DPP10: variants seen among roughly 807,000 people sequenced by gnomAD.
DPP10 encodes the protein inactive dipeptidyl peptidase 10.
A neutral mutation model predicts 120.9 loss-of-function variants in DPP10; 33 were observed. That is an observed-to-expected ratio of 0.27 (90% CI 0.21 to 0.37). DPP10 has a LOEUF of 0.37. DPP10 is among the 10% of genes least tolerant of loss of function. DPP10 has a pLI of 1.00. For missense variants in DPP10, 816 were observed against 942.8 expected, an observed-to-expected ratio of 0.87 and a Z score of 1.76; for synonymous variants, 337 against 326.1, an observed-to-expected ratio of 1.03 and a Z score of -0.36.
chr2:114,595,042 G>A (rs1055935456), intron 1 of DPP10, among the ~76,000 whole-genome samples: 6 of 152,044 alleles, frequency 3.9e-5, no homozygotes, highest in Middle Eastern at 3.4e-3. Flanking sequence ...TGGCCTCTCT[G>A]GGCTTTTGTA....
chr2:114,761,768 T>G (rs1680302858), intron 1 of DPP10, among the ~76,000 whole-genome samples: 1 of 152,152 alleles, frequency 6.6e-6, no homozygotes, highest in African/African-American at 2.4e-5. Flanking sequence ...CTGCAGACAC[T>G]TCCCACCATA....
Position 115,403,381 on chromosome 2 carries a change from CTTTTTTT to C in DPP10, c.271+59499_271+59505del, listed in dbSNP as rs78116780. Among the ~76,000 whole-genome samples the C allele has an allele frequency of 4.4e-3, 516 of 118,224 alleles. 12 individuals carry two copies. Among genetic ancestry groups the C allele is most frequent in the African/African-American group, 0.017 (482 of 27,984 alleles). The allele number at this position is 118,224 out of a possible 152,430, so 77.6% of individuals were successfully genotyped here. On this transcript the variant is annotated intron_variant, in intron 3 of 25. Coordinates refer to ENST00000410059, the MANE Select transcript of DPP10 (RefSeq NM_020868.6). ...TACTTCTCTCTTTCTTTCTTTCCTTCTTTTTTTTTTTTTTTTTTTTTTTTTTTTTTTT... is the reference window on the plus strand; with the variant it reads ...TACTTCTCTCTTTCTTTCTTTCCTTCTTTTTTTTTTTTTTTTTTTTTTTTT...
chr2:114,831,962 G>T (rs1310852012), intron 1 of DPP10, among the ~76,000 whole-genome samples: 5 of 150,218 alleles, frequency 3.3e-5, no homozygotes, highest in African/African-American at 9.7e-5. Context: ...TTAAATATGT[G>T]CTTAATATAT....
intron 1 of DPP10, among the ~76,000 whole-genome samples, chr2:115,288,740 G>GAAAAC (rs1347790546): frequency 2.0e-5 from 3 of 151,672 alleles, no homozygotes; most frequent in Non-Finnish European, 4.4e-5. Context: ...GAAAAGAAAA[G>GAAAAC]AAAGAAAAGA....
intron 1 of DPP10, among the ~76,000 whole-genome samples, chr2:115,180,825 A>C (rs1012632860): frequency 2.7e-4 from 41 of 152,184 alleles, no homozygotes; most frequent in African/African-American, 8.2e-4. Flanking sequence ...CTCAATGTCC[A>C]TGGAGGTAAC....
chr2:115,260,558 C>T (rs2105745873), intron 1 of DPP10, among the ~76,000 whole-genome samples: 1 of 152,274 alleles, frequency 6.6e-6, no homozygotes, highest in African/African-American at 2.4e-5. Flanking sequence ...TTAAAAATCT[C>T]AGTGAGAAGT....
At chr2:114,568,693 TA>T (rs1413460164) in intron 1 of DPP10, among the ~76,000 whole-genome samples, 3 of 152,232 alleles carry the variant, frequency 2.0e-5, no homozygotes, top group African/African-American at 7.2e-5. Flanking sequence ...CTTGCATAAG[TA>T]AACGCGATCA....
chr2:115,470,693 AT>A (rs953435579), intron 3 of DPP10, among the ~76,000 whole-genome samples: 42 of 151,558 alleles, frequency 2.8e-4, no homozygotes, highest in East Asian at 7.8e-4. Flanking sequence ...TTTCTGCATA[AT>A]TTTTTTTTCT....
At chr2:114,477,942 T>C (rs1297637820) in intron 1 of DPP10, among the ~76,000 whole-genome samples, 1 of 150,856 alleles carries the variant, frequency 6.6e-6, no homozygotes, top group African/African-American at 2.4e-5. Context: ...TATGTGTATA[T>C]ATGTACATAT....
chr2:114,964,670 A>C (rs1269137290), intron 1 of DPP10, among the ~76,000 whole-genome samples: 2 of 152,188 alleles, frequency 1.3e-5, no homozygotes, highest in East Asian at 3.9e-4. Context: ...TGGTTGGAGC[A>C]GATAGAGGGA....
intron 5 of DPP10, among the ~76,000 whole-genome samples, chr2:115,682,537 AT>A (rs1314909238): frequency 6.6e-6 from 1 of 151,920 alleles, no homozygotes; most frequent in Non-Finnish European, 1.5e-5. Flanking sequence ...TAATAAGCTT[AT>A]TTATATAACA....
At chr2:114,859,980 A>G (rs1689682485) in intron 1 of DPP10, among the ~76,000 whole-genome samples, 1 of 152,200 alleles carries the variant, frequency 6.6e-6, no homozygotes, top group Non-Finnish European at 1.5e-5. Flanking sequence ...TGCATTTCTA[A>G]TACAGTTTTA....
At chr2:115,785,986 CAG>C (rs1683302903) in intron 17 of DPP10, among the ~76,000 whole-genome samples, 2 of 151,930 alleles carry the variant, frequency 1.3e-5, no homozygotes, top group Non-Finnish European at 2.9e-5. Flanking sequence ...TTTAAATAAT[CAG>C]AGTTTCTTTC....
chr2:115,722,579 A>C (rs2092674125), intron 7 of DPP10, among the ~76,000 whole-genome samples: 2 of 152,060 alleles, frequency 1.3e-5, no homozygotes, highest in South Asian at 4.1e-4. Context: ...AAACCTCTAA[A>C]GCATGTTACT....
At position 115,138,273 on chromosome 2, in the gene DPP10, GTT is replaced by G. The variant is rs146447489; in HGVS notation, c.61-170965_61-170964del. Among the ~76,000 whole-genome samples, 10 of 152,158 alleles carry G rather than the reference GTT, an allele frequency of 6.6e-5. No individual in the cohort carries two copies. The East Asian group carries it at 1.9e-3, about 29-fold the overall frequency. Reference sequence around the variant, plus strand: ...GAAAATGGCATCTGGTTAATCAGGGGTTCATAGATTATTTGGTGATACAACTT... The same window carrying G: ...GAAAATGGCATCTGGTTAATCAGGGGCATAGATTATTTGGTGATACAACTT... On this transcript the variant is annotated intron_variant, in intron 1 of 25. Transcript: ENST00000410059.
intron 3 of DPP10, 149 bp downstream of exon 3, chr2:115,344,061 G>T (rs757174895): frequency 2.2e-6 from 1 of 457,698 alleles, no homozygotes; most frequent in Non-Finnish European, 3.5e-6. Context: ...GCTTGAACCT[G>T]GGAGGCGGAC....
At chr2:114,912,188 C>A (rs1386129808) in intron 1 of DPP10, among the ~76,000 whole-genome samples, 1 of 152,006 alleles carries the variant, frequency 6.6e-6, no homozygotes, top group Non-Finnish European at 1.5e-5. Flanking sequence ...GAGTAAGAAC[C>A]AAGGAGACTT....
At chr2:115,644,460 T>C (rs2087060007) in intron 5 of DPP10, among the ~76,000 whole-genome samples, 1 of 152,054 alleles carries the variant, frequency 6.6e-6, no homozygotes, top group Admixed American at 6.6e-5. Context: ...ATGGTAATAA[T>C]AGTTTCTTAG....
intron 1 of DPP10, among the ~76,000 whole-genome samples, chr2:114,937,629 C>A (rs1324490152): frequency 6.6e-6 from 1 of 152,178 alleles, no homozygotes; most frequent in East Asian, 1.9e-4. Context: ...CGGTCTTTAG[C>A]TTTAATTGGA....
Sources: gnomAD v4.1 joint callset for allele counts (sites outside exome capture counted in the v4.1 genomes callset) on GRCh38, gnomAD v4.1.1 for gene constraint, MANE v1.5 for transcripts, NCBI Gene and HGNC (gene_info 2026-07-23, HGNC 2026-07-21) for gene names.